Variants in CUX1 observed in about 807,000 individuals in gnomAD.
The protein encoded by CUX1 is cut like homeobox 1.
CUX1 carries 31 observed loss-of-function variants against 158.8 expected under a neutral mutation model. The observed-to-expected ratio is 0.20, with a 90% CI of 0.15 to 0.26. The LOEUF is 0.26. Ranked by LOEUF, CUX1 falls within the 10% of genes least tolerant of loss-of-function variation. The pLI is 1.00. For missense variants in CUX1, 1,589 were observed against 2,014.6 expected (o/e 0.79, Z 4.04); for synonymous variants, 879 against 862.1 (o/e 1.02, Z -0.34).
intron 1 of CUX1, among the ~76,000 whole-genome samples, chr7:101,912,208 C>T (rs1280723865): frequency 3.4e-5 from 5 of 148,282 alleles, no homozygotes; most frequent in African/African-American, 1.2e-4. Flanking sequence ...ACCACCAACC[C>T]CTCTTCCCCC....
At chr7:102,039,811 C>T (rs754527533) in intron 3 of CUX1, among the ~76,000 whole-genome samples, 6 of 152,104 alleles carry the variant, frequency 3.9e-5, no homozygotes, top group South Asian at 2.1e-4. Context: ...TGTGTCCATG[C>T]GCTTTGCTAC....
rs1830901339 is a variant in CUX1 at position 102,111,681 on chromosome 7, G to C, written c.531-17G>C. On this transcript the variant is annotated splice_polypyrimidine_tract_variant and intron_variant, in intron 6 of 23. Transcript: ENST00000292535. ...TAAAGGAGATGACCAATTTGGCTTC[G>C]TCCTCTTCCTTTGCAGAAAGCTGCA... is the stretch of plus-strand genomic sequence containing the variant. 7.4e-6 allele frequency: 12 copies of C among 1,613,834 alleles called. No homozygotes were observed. The highest frequency in any genetic ancestry group is 1.0e-5 in the Non-Finnish European group (12 of 1,179,740).
intron 4 of CUX1, among the ~76,000 whole-genome samples, chr7:102,078,829 C>A (rs1827057959): frequency 6.6e-6 from 1 of 152,164 alleles, no homozygotes; most frequent in African/African-American, 2.4e-5. Context: ...GAGCCTGCTC[C>A]CAAATGCCTG....
At chr7:102,060,978 G>A (rs1468481427) in intron 3 of CUX1, among the ~76,000 whole-genome samples, 1 of 141,190 alleles carries the variant, frequency 7.1e-6, no homozygotes, top group Non-Finnish European at 1.5e-5. Context: ...AGGCTAGAGT[G>A]CAGTGGCATG....
At chr7:102,099,476 T>G (rs77077024) in intron 5 of CUX1, among the ~76,000 whole-genome samples, 1 of 38,732 alleles carries the variant, frequency 2.6e-5, no homozygotes, top group African/African-American at 2.1e-4. Context: ...AGTATCCTGG[T>G]TTTTTTTTTT....
chr7:102,156,811 C>CGT (rs1317888932), intron 8 of CUX1, among the ~76,000 whole-genome samples: 2 of 152,196 alleles, frequency 1.3e-5, no homozygotes, highest in Non-Finnish European at 2.9e-5. Flanking sequence ...TCCAACGTGA[C>CGT]GTGCAGCCCT....
chr7:101,999,441 T>C (rs1816406098), intron 2 of CUX1, among the ~76,000 whole-genome samples: 1 of 152,154 alleles, frequency 6.6e-6, no homozygotes, highest in African/African-American at 2.4e-5. Context: ...TGATTGACCA[T>C]GAGCTTTGAA....
chr7:102,003,585 CG>C (rs1816977702), intron 2 of CUX1, among the ~76,000 whole-genome samples: 1 of 152,098 alleles, frequency 6.6e-6, no homozygotes, highest in African/African-American at 2.4e-5. Context: ...GGGCTCTCCC[CG>C]GGGTCAGGGG....
intron 11 of CUX1, among the ~76,000 whole-genome samples, chr7:102,179,928 G>A (rs1306521624): frequency 6.6e-6 from 1 of 152,262 alleles, no homozygotes; most frequent in Non-Finnish European, 1.5e-5. Flanking sequence ...TATGAATAAA[G>A]TGGGTCAGGG....
At chr7:102,145,298 A>G (rs1451814169) in intron 8 of CUX1, among the ~76,000 whole-genome samples, 13 of 151,964 alleles carry the variant, frequency 8.6e-5, no homozygotes, top group African/African-American at 3.1e-4. Context: ...TTGCCTCCCC[A>G]GAAATAGTTT....
chr7:101,816,390 G>GC (rs999617960), upstream of CUX1, among the ~76,000 whole-genome samples: 5 of 141,682 alleles, frequency 3.5e-5, no homozygotes, highest in African/African-American at 5.0e-5. Flanking sequence ...CACCCCGGGC[G>GC]CCCCCCCGGG....
At chr7:102,074,009 A>G (rs918541996) in intron 4 of CUX1, among the ~76,000 whole-genome samples, 1 of 152,210 alleles carries the variant, frequency 6.6e-6, no homozygotes, top group African/African-American at 2.4e-5. Flanking sequence ...AGTTACTTGC[A>G]AAGCAGGAAT....
chr7:101,880,102 T>A (rs1429403648), intron 1 of CUX1, among the ~76,000 whole-genome samples: 1 of 151,898 alleles, frequency 6.6e-6, no homozygotes, highest in Non-Finnish European at 1.5e-5. Flanking sequence ...GCTGTTTTTT[T>A]AAAAACAACT....
chr7:101,849,971 T>C (rs965294686), intron 1 of CUX1, among the ~76,000 whole-genome samples: 2 of 143,700 alleles, frequency 1.4e-5, no homozygotes, highest in East Asian at 4.4e-4. Flanking sequence ...CAGGCTGGAG[T>C]GCAGTGGCGC....
chr7:101,942,136 A>C (rs754415229), intron 2 of CUX1, among the ~76,000 whole-genome samples: 1 of 152,176 alleles, frequency 6.6e-6, no homozygotes, highest in Non-Finnish European at 1.5e-5. Context: ...AGGGTACTGC[A>C]GGTTTAGCTC....
At chr7:101,828,609 G>A (rs766545373) in intron 1 of CUX1, among the ~76,000 whole-genome samples, 7 of 152,192 alleles carry the variant, frequency 4.6e-5, no homozygotes, top group African/African-American at 1.2e-4. Context: ...AATGTCTCAC[G>A]TCTGCCTTGT....
At chr7:101,883,136 T>C (rs1298891381) in intron 1 of CUX1, among the ~76,000 whole-genome samples, 1 of 152,168 alleles carries the variant, frequency 6.6e-6, no homozygotes, top group Admixed American at 6.5e-5. Context: ...TGTTTGCTCA[T>C]TTCGTCATCT....
chr7:101,821,694 T>TTTTTTTTTTTG (rs1792604423), intron 1 of CUX1, among the ~76,000 whole-genome samples: 1 of 131,034 alleles, frequency 7.6e-6, no homozygotes, highest in African/African-American at 3.0e-5. Flanking sequence ...TTTTTTTTTT[T>TTTTTTTTTTTG]TTTGAGACGT....
intron 2 of CUX1, among the ~76,000 whole-genome samples, chr7:102,002,642 A>G (rs1255222001): frequency 6.6e-6 from 1 of 152,142 alleles, no homozygotes; most frequent in African/African-American, 2.4e-5. Context: ...CCCCTGTTCT[A>G]TCGAGTCTGA....
Sources: gnomAD v4.1 joint callset for allele counts (sites outside exome capture counted in the v4.1 genomes callset) on GRCh38, gnomAD v4.1.1 for gene constraint, MANE v1.5 for transcripts, NCBI Gene and HGNC (gene_info 2026-07-23, HGNC 2026-07-21) for gene names.